LUC7L2: variants seen among roughly 807,000 people sequenced by gnomAD.
LUC7L2 encodes the protein putative RNA-binding protein Luc7-like 2.
LUC7L2 carries 25 observed loss-of-function variants against 52.8 expected under a neutral mutation model. The ratio of observed to expected loss-of-function variants is 0.47; its 90% CI spans 0.34 to 0.66. The LOEUF (loss-of-function observed/expected upper bound fraction) is 0.66. LUC7L2 is among the 30% of genes least tolerant of loss of function. The probability of loss-of-function intolerance (pLI) is 0.01; values close to 1 mark genes in which losing one functional copy is unlikely to be tolerated. For missense variants in LUC7L2, 328 were observed against 497.8 expected (o/e 0.66, Z 3.25); for synonymous variants, 144 against 160.9 (o/e 0.89, Z 0.80).
rs191541492 is a variant in LUC7L2, at chr7:139,423,335, T to G, written c.*995T>G. 6.7e-4 allele frequency: 268 copies of G among 398,966 alleles called. 1 individual carries two copies. The highest frequency in any genetic ancestry group is 5.2e-3 in the African/African-American group (255 of 48,732). 24.7% of individuals were successfully genotyped at this position (398,966 alleles called of 1,614,324 possible). On this transcript the variant is annotated 3_prime_UTR_variant, in exon 10 of 10. Coordinates refer to ENST00000354926, the MANE Select transcript of LUC7L2 (RefSeq NM_016019.5). ...CATGTGGGCCCCTTGCTGACTATAT[T>G]CCAGCCACTTCAGGGTTGTTTGTAA...
chr7:139,361,575 A>C (rs1191949147), intron 1 of LUC7L2, among the ~76,000 whole-genome samples: 1 of 152,232 alleles, frequency 6.6e-6, no homozygotes. Flanking sequence ...ATATATAGAC[A>C]AATAGGTGTA....
chr7:139,409,382 A>G (rs952641000), intron 6 of LUC7L2, among the ~76,000 whole-genome samples, 181 bp from the exon 7 acceptor site: 1 of 152,152 alleles, frequency 6.6e-6, no homozygotes, highest in Non-Finnish European at 1.5e-5. Flanking sequence ...AAATGGGGAA[A>G]GATTATGGAA....
intron 8 of LUC7L2, among the ~76,000 whole-genome samples, chr7:139,413,298 A>G (rs554468111): frequency 6.6e-6 from 1 of 152,238 alleles, no homozygotes; most frequent in South Asian, 2.1e-4. Context: ...TGCCCTTCTC[A>G]TTCCAGTCGT....
chr7:139,405,760 A>G lies in LUC7L2; in HGVS notation c.483A>G (p.Lys161=), dbSNP rs777696993. 1 of 1,609,278 alleles carries G rather than the reference A, an allele frequency of 6.2e-7. No individual in the cohort carries two copies. The highest frequency in any genetic ancestry group is 2.2e-5 in the East Asian group (1 of 44,790). Residue 161 remains lysine (K), a synonymous_variant, in exon 5 of 10, where the codon AAA becomes AAG. Coordinates refer to ENST00000354926, the MANE Select transcript of LUC7L2 (RefSeq NM_016019.5). ...ESQKVMDEVE[K]ARAKKREAEE... is the part of the protein sequence containing the mutation. ...AGAAAGTAATGGATGAAGTAGAGAAAGCACGGGCAAAGAAAAGAGAAGCAG... is the reference window on the plus strand; with the variant it reads ...AGAAAGTAATGGATGAAGTAGAGAAGGCACGGGCAAAGAAAAGAGAAGCAG...
At chr7:139,345,398 G>A in intron 1 of LUC7L2, 2 of 1,498,692 alleles carry the variant, frequency 1.3e-6, no homozygotes, top group Non-Finnish European at 1.8e-6. Flanking sequence ...TATTTCCTCT[G>A]TGCAATTTAC....
chr7:139,405,837 C>A, intron 5 of LUC7L2, 50 bp downstream of exon 5: 1 of 1,530,198 alleles, frequency 6.5e-7, no homozygotes, highest in Non-Finnish European at 8.7e-7. Flanking sequence ...GGTAAGACTA[C>A]AAATAAAAAG....
intron 1 of LUC7L2, among the ~76,000 whole-genome samples, chr7:139,344,581 C>A (rs1238382790): frequency 2.6e-5 from 4 of 151,578 alleles, no homozygotes; most frequent in Non-Finnish European, 1.5e-5. Flanking sequence ...TATGGAGGGC[C>A]AATTGTAATA....
intron 9 of LUC7L2, among the ~76,000 whole-genome samples, chr7:139,419,130 CAA>C (rs571694948): frequency 2.7e-4 from 38 of 139,364 alleles, no homozygotes; most frequent in African/African-American, 6.3e-4. Flanking sequence ...AAAAAACAAA[CAA>C]AAAAAAAAAC....
intron 5 of LUC7L2, among the ~76,000 whole-genome samples, chr7:139,406,816 C>A (rs1422152707): frequency 1.3e-5 from 2 of 151,848 alleles, no homozygotes; most frequent in African/African-American, 2.4e-5. Context: ...TCTAGCTGGT[C>A]AGTTTTATTT....
chr7:139,353,874 A>G (rs1269467795), intron 1 of LUC7L2, among the ~76,000 whole-genome samples: 1 of 151,998 alleles, frequency 6.6e-6, no homozygotes, highest in Non-Finnish European at 1.5e-5. Flanking sequence ...CAGCACTTTG[A>G]GAGGTCGAGG....
intron 3 of LUC7L2, among the ~76,000 whole-genome samples, chr7:139,401,163 G>C (rs975123099): frequency 1.3e-5 from 2 of 151,616 alleles, no homozygotes; most frequent in African/African-American, 4.8e-5. Flanking sequence ...AATTCTCAAT[G>C]GTTTATTCTC....
intron 3 of LUC7L2, 130 bp downstream of exon 3, chr7:139,398,827 G>GT: frequency 1.4e-6 from 1 of 690,582 alleles, no homozygotes; most frequent in East Asian, 3.0e-5. Context: ...TAAGACTCAA[G>GT]TAAGATCATG....
intron 1 of LUC7L2, among the ~76,000 whole-genome samples, chr7:139,361,447 T>C (rs1234957493): frequency 5.3e-5 from 8 of 152,254 alleles, no homozygotes; most frequent in Non-Finnish European, 8.8e-5. Context: ...CAGCAAAATA[T>C]GAGTAAATTT....
rs143150348 is a variant in LUC7L2, at chr7:139,375,116, T to C, written c.62-946T>C. 1.6e-4 allele frequency: 160 copies of C among 984,220 alleles called. No individual in the cohort carries two copies. The African/African-American group carries it at 2.5e-3, about 16-fold the overall frequency. 61.0% of individuals were successfully genotyped at this position (984,220 alleles called of 1,614,324 possible). A position where few individuals can be genotyped will look rare whatever the true frequency, so the allele number is the denominator to read the frequency against. The stretch of plus-strand genomic sequence containing the variant: ...TATATAGAAAGAGGAAACATCCTAA[T>C]GAGTTTTTTCTTTTGTTTTTCCAAA... On this transcript the variant is annotated intron_variant, in intron 1 of 9. Transcript: ENST00000354926.
chr7:139,374,501 TAATG>T, intron 1 of LUC7L2: 1 of 1,550,048 alleles, frequency 6.5e-7, no homozygotes, highest in Non-Finnish European at 8.7e-7. Flanking sequence ...TCAGATGTGT[TAATG>T]AATGTGGAAC....
At chr7:139,388,173 TTC>T (rs754027828) in intron 2 of LUC7L2, among the ~76,000 whole-genome samples, 3 of 152,188 alleles carry the variant, frequency 2.0e-5, no homozygotes, top group East Asian at 1.9e-4. Flanking sequence ...TATATTCTCA[TTC>T]TCTCTCTCTT....
At chr7:139,383,048 T>A (rs1450949577) in intron 2 of LUC7L2, among the ~76,000 whole-genome samples, 1 of 151,846 alleles carries the variant, frequency 6.6e-6, no homozygotes. Flanking sequence ...GCCTCACCCT[T>A]CCAAGTAGGT....
intron 1 of LUC7L2, among the ~76,000 whole-genome samples, chr7:139,341,823 C>G (rs915572637): frequency 6.6e-6 from 1 of 152,094 alleles, no homozygotes; most frequent in African/African-American, 2.4e-5. Flanking sequence ...GGAGGGCAGT[C>G]AGGAAAGTGG....
At chr7:139,399,912 C>CAT (rs1554395104) in intron 3 of LUC7L2, among the ~76,000 whole-genome samples, 18,936 of 148,720 alleles carry the variant, frequency 0.13, 3,398 homozygotes, top group African/African-American at 0.41. Flanking sequence ...AGTTTTTTTG[C>CAT]ATATATATAA....
Sources: allele counts gnomAD v4.1 joint callset (sites outside exome capture counted in the v4.1 genomes callset), GRCh38; gene constraint gnomAD v4.1.1; transcripts MANE v1.5; gene names NCBI Gene and HGNC (gene_info 2026-07-23, HGNC 2026-07-21).